ITGA9: variants seen among roughly 807,000 people sequenced by gnomAD.
The protein encoded by ITGA9 is integrin subunit alpha 9, also known as integrin alpha-9.
In ITGA9, 56 loss-of-function variants were observed where a neutral mutation model predicts 127.8. That is an observed-to-expected ratio of 0.44 (90% confidence interval 0.35 to 0.55). The LOEUF is 0.55. Ranked by LOEUF, ITGA9 falls within the 20% of genes least tolerant of loss-of-function variation. The pLI, the probability that ITGA9 is intolerant of heterozygous loss-of-function variation, is 0.00. For synonymous variants in ITGA9, 508 were observed against 514.5 expected, an observed-to-expected ratio of 0.99 and a Z score of 0.17; for missense variants, 1,196 against 1,347.1, an observed-to-expected ratio of 0.89 and a Z score of 1.76.
chr3:37,775,700 A>G (rs1429077655), intron 23 of ITGA9, among the ~76,000 whole-genome samples: 5 of 151,706 alleles, frequency 3.3e-5, no homozygotes, highest in Non-Finnish European at 5.9e-5. Flanking sequence ...GAGGTTTTGG[A>G]GAAAAGAGAA....
intron 23 of ITGA9, chr3:37,754,072 C>T (rs1696621729): frequency 6.6e-6 from 1 of 152,164 alleles, no homozygotes; most frequent in Non-Finnish European, 1.5e-5. Context: ...TGAACCACTT[C>T]ACTTTATTGC....
At chr3:37,556,606 A>G (rs1196567312) in intron 15 of ITGA9, among the ~76,000 whole-genome samples, 1 of 152,210 alleles carries the variant, frequency 6.6e-6, no homozygotes, top group African/African-American at 2.4e-5. Flanking sequence ...ACCTTGTTCA[A>G]TGCAGATCCT....
intron 15 of ITGA9, among the ~76,000 whole-genome samples, chr3:37,558,242 C>T (rs746526878): frequency 5.3e-5 from 8 of 152,196 alleles, no homozygotes; most frequent in Non-Finnish European, 8.8e-5. Context: ...TAAACAATGA[C>T]TGTCACTTAA....
chr3:37,569,713 T>C (rs1360985038), intron 15 of ITGA9, among the ~76,000 whole-genome samples: 1 of 152,236 alleles, frequency 6.6e-6, no homozygotes, highest in African/African-American at 2.4e-5. Flanking sequence ...TTCTACACCT[T>C]ACCTCATGTG....
At chr3:37,477,333 T>A (rs188777780) in intron 3 of ITGA9, among the ~76,000 whole-genome samples, 276 of 152,288 alleles carry the variant, frequency 1.8e-3, no homozygotes, top group African/African-American at 6.4e-3. Context: ...TGTCTGGTGC[T>A]GATAGAAAAC....
chr3:37,782,602 C>T (rs1021683772), intron 25 of ITGA9, among the ~76,000 whole-genome samples: 7 of 152,186 alleles, frequency 4.6e-5, no homozygotes, highest in African/African-American at 1.7e-4. Context: ...CAGATGGGGC[C>T]CCAGCTGCTC....
At chr3:37,774,544 AAAG>A (rs1559594642) in intron 23 of ITGA9, among the ~76,000 whole-genome samples, 6 of 151,608 alleles carry the variant, frequency 4.0e-5, no homozygotes, top group East Asian at 3.9e-4. Flanking sequence ...AAAAAAAAAA[AAAG>A]AAACCAGCAA....
At chr3:37,588,245 G>A (rs1699778009) in intron 15 of ITGA9, among the ~76,000 whole-genome samples, 1 of 152,182 alleles carries the variant, frequency 6.6e-6, no homozygotes, top group African/African-American at 2.4e-5. Context: ...GAAGCCCTAG[G>A]TTGAATTTTG....
chr3:37,709,858 C>A (rs1701058873), intron 18 of ITGA9, among the ~76,000 whole-genome samples: 1 of 152,218 alleles, frequency 6.6e-6, no homozygotes. Context: ...CCTCTCCATG[C>A]TTGCTACTCA....
chr3:37,592,648 C>G (rs746879925), intron 15 of ITGA9, among the ~76,000 whole-genome samples: 1 of 152,032 alleles, frequency 6.6e-6, no homozygotes, highest in African/African-American at 2.4e-5. Context: ...TGGGAAACGG[C>G]GAGGTCAAGT....
intron 15 of ITGA9, among the ~76,000 whole-genome samples, chr3:37,575,385 C>T (rs903580302): frequency 6.6e-6 from 1 of 152,132 alleles, no homozygotes; most frequent in South Asian, 2.1e-4. Context: ...TCTCTGCTGT[C>T]TCCTATTTAA....
chr3:37,555,548 GGACA>G (rs1322745746), intron 15 of ITGA9, among the ~76,000 whole-genome samples: 1 of 152,198 alleles, frequency 6.6e-6, no homozygotes, highest in East Asian at 1.9e-4. Context: ...AGAAGGAGAG[GGACA>G]GACACTGGAC....
intron 24 of ITGA9, 74 bp from the exon 25 acceptor site, chr3:37,779,828 A>G: frequency 6.8e-7 from 1 of 1,471,318 alleles, no homozygotes. Flanking sequence ...CATGGAGCCC[A>G]CTACTCTGTA....
intron 15 of ITGA9, among the ~76,000 whole-genome samples, chr3:37,623,491 TGC>T (rs1319437622): frequency 6.6e-6 from 1 of 152,222 alleles, no homozygotes; most frequent in Admixed American, 6.5e-5. Context: ...AAGGGAAAAG[TGC>T]CCATAAATGT....
intron 17 of ITGA9, among the ~76,000 whole-genome samples, chr3:37,657,468 T>G (rs951170722): frequency 3.9e-5 from 6 of 152,196 alleles, no homozygotes; most frequent in African/African-American, 1.4e-4. Context: ...ATTTTCTAGT[T>G]TATTTGCATA....
At chr3:37,701,702 G>A (rs1700948357) in intron 18 of ITGA9, among the ~76,000 whole-genome samples, 1 of 152,206 alleles carries the variant, frequency 6.6e-6, no homozygotes, top group Non-Finnish European at 1.5e-5. Flanking sequence ...ACAGGGCAGG[G>A]GATCTGGAGG....
intron 21 of ITGA9, among the ~76,000 whole-genome samples, chr3:37,743,592 C>A (rs1045343399): frequency 4.6e-5 from 7 of 152,180 alleles, no homozygotes; most frequent in African/African-American, 1.7e-4. Flanking sequence ...TCTTCTTCAA[C>A]CCATAAAACA....
At chr3:37,748,927 C>A in intron 22 of ITGA9, 1 of 728,178 alleles carries the variant, frequency 1.4e-6, no homozygotes, top group Non-Finnish European at 2.5e-6. Flanking sequence ...AATGAAAGAC[C>A]TCTGGACTGT....
intron 19 of ITGA9, among the ~76,000 whole-genome samples, chr3:37,736,333 A>G (rs570980948): frequency 6.6e-6 from 1 of 152,258 alleles, no homozygotes; most frequent in African/African-American, 2.4e-5. Flanking sequence ...CACATCTTTA[A>G]CACTTCTCTA....
Sources: allele counts gnomAD v4.1 joint callset (sites outside exome capture counted in the v4.1 genomes callset), GRCh38; gene constraint gnomAD v4.1.1; transcripts MANE v1.5; gene names NCBI Gene and HGNC (gene_info 2026-07-23, HGNC 2026-07-21).